The following MLLT3 variants were observed in gnomAD, a reference collection of about 807,000 sequenced individuals.
The protein encoded by MLLT3 is MLLT3 super elongation complex subunit.
A neutral mutation model predicts 53.2 loss-of-function variants in MLLT3; 4 were observed. That is an observed-to-expected ratio of 0.08 (90% CI 0.04 to 0.17). The LOEUF (loss-of-function observed/expected upper bound fraction) is 0.17. Ranked by LOEUF, MLLT3 falls within the 10% of genes least tolerant of loss-of-function variation. The pLI is 1.00. For missense variants in MLLT3, 569 were observed against 684.0 expected, an observed-to-expected ratio of 0.83 and a Z score of 1.87; for synonymous variants, 283 against 230.6, an observed-to-expected ratio of 1.23 and a Z score of -2.06.
intron 5 of MLLT3, among the ~76,000 whole-genome samples, chr9:20,412,917 C>A (rs1256554493): frequency 6.6e-6 from 1 of 152,146 alleles, no homozygotes; most frequent in Non-Finnish European, 1.5e-5. Flanking sequence ...ATCTGAAAAT[C>A]CCTTCCACTG....
chr9:20,438,610 A>G (rs1823465495), intron 4 of MLLT3, among the ~76,000 whole-genome samples: 1 of 151,906 alleles, frequency 6.6e-6, no homozygotes, highest in African/African-American at 2.4e-5. Flanking sequence ...ACTTTATTTT[A>G]TTTTTTGTAG....
chr9:20,524,991 A>T (rs1054471255), intron 2 of MLLT3, among the ~76,000 whole-genome samples: 7 of 152,072 alleles, frequency 4.6e-5, no homozygotes, highest in African/African-American at 1.7e-4. Context: ...TCAGGAAGGC[A>T]CCTAGTAGCT....
intron 2 of MLLT3, among the ~76,000 whole-genome samples, chr9:20,572,493 A>T (rs1320391720): frequency 6.6e-6 from 1 of 152,164 alleles, no homozygotes; most frequent in African/African-American, 2.4e-5. Flanking sequence ...ATTTATTTAT[A>T]TATTAATACA....
At chr9:20,401,558 C>G (rs542940597) in intron 5 of MLLT3, among the ~76,000 whole-genome samples, 174 of 152,280 alleles carry the variant, frequency 1.1e-3, no homozygotes, top group African/African-American at 3.7e-3. Flanking sequence ...TCCATACTTT[C>G]CATATGCTTC....
At position 20,343,674 on chromosome 9, in the gene MLLT3, G is replaced by A. The variant is rs1248292786; in HGVS notation, c.*2769C>T. 2 of 224,650 alleles carry A rather than the reference G, an allele frequency of 8.9e-6. No homozygotes were observed. Among genetic ancestry groups the A allele is most frequent in the Non-Finnish European group, 1.8e-5 (2 of 112,746 alleles). 13.9% of individuals were successfully genotyped at this position (224,650 alleles called of 1,614,324 possible). A position where few individuals can be genotyped will look rare whatever the true frequency, so the allele number is the denominator to read the frequency against. On this transcript the variant is annotated 3_prime_UTR_variant, in exon 11 of 11. Coordinates refer to ENST00000380338, the MANE Select transcript of MLLT3 (RefSeq NM_004529.4). Reference sequence around the variant, plus strand: ...TTAAAAGTTTATCATACTCTGGCTGGTTCAAACCATATTCACATTTACCCA... The same window carrying A: ...TTAAAAGTTTATCATACTCTGGCTGATTCAAACCATATTCACATTTACCCA...
Position 20,620,792 on chromosome 9 carries a change from C to T in MLLT3, c.55G>A (p.Val19Met). ...VKLELGHRAQ[V>M]RKKPTVEGFT... ...CCCTCCACGGTGGGTTTTTTCCTCA[C>T]CTGGGCGCGGTGCCCCAGCTCCAGC... Residue 19 changes from valine to methionine, a missense_variant, in exon 2 of 11, where the codon GTG becomes ATG. By Grantham distance (21) the Val-to-Met change is conservative. Coordinates refer to ENST00000380338, the MANE Select transcript of MLLT3 (RefSeq NM_004529.4). The surrounding 1 kb of genome is among the most constrained non-coding windows in gnomAD (Gnocchi z 6.1). 1 of 1,614,128 alleles carries T rather than the reference C, an allele frequency of 6.2e-7. No individual in the cohort carries two copies. The highest frequency in any genetic ancestry group is 1.3e-5 in the African/African-American group (1 of 75,030).
chr9:20,597,701 GT>G (rs1304379013), intron 2 of MLLT3, among the ~76,000 whole-genome samples: 1 of 152,080 alleles, frequency 6.6e-6, no homozygotes, highest in East Asian at 1.9e-4. Flanking sequence ...TACTAGCTTT[GT>G]TTTTTCTTTC....
chr9:20,507,742 G>GAAAA lies in MLLT3; in HGVS notation c.194-50960_194-50957dup, dbSNP rs72452530. Among the ~76,000 whole-genome samples the GAAAA allele has an allele frequency of 2.3e-3, 197 of 84,540 alleles. 7 individuals carry two copies. Among genetic ancestry groups the GAAAA allele is most frequent in the African/African-American group, 6.5e-3 (164 of 25,342 alleles). The allele number at this position is 84,540 out of a possible 152,430, so 55.5% of individuals were successfully genotyped here. On this transcript the variant is annotated intron_variant, in intron 2 of 10. Transcript: ENST00000380338. The stretch of plus-strand genomic sequence containing the variant: ...TGTCATGTAGTCTATTCCCAAAATG[G>GAAAA]AAAAAAAAAAAAAAAAACAAATCTC...
At chr9:20,408,749 C>T (rs759250261) in intron 5 of MLLT3, among the ~76,000 whole-genome samples, 11 of 152,194 alleles carry the variant, frequency 7.2e-5, no homozygotes, top group Non-Finnish European at 1.5e-4. Context: ...AACCTTCCAT[C>T]ACATAAAAAC....
chr9:20,407,904 T>C (rs1358393003), intron 5 of MLLT3, among the ~76,000 whole-genome samples: 1 of 152,196 alleles, frequency 6.6e-6, no homozygotes, highest in Non-Finnish European at 1.5e-5. Flanking sequence ...GGTATGGTAA[T>C]GCTAGTCTTG....
chr9:20,513,018 T>G (rs1298212432), intron 2 of MLLT3, among the ~76,000 whole-genome samples: 1 of 152,278 alleles, frequency 6.6e-6, no homozygotes, highest in Non-Finnish European at 1.5e-5. Context: ...TGAGGCTCTG[T>G]TATATTTCTC....
intron 2 of MLLT3, among the ~76,000 whole-genome samples, chr9:20,619,609 A>G (rs1820936890): frequency 6.6e-6 from 1 of 152,246 alleles, no homozygotes; most frequent in South Asian, 2.1e-4. Flanking sequence ...ACTTAGATAA[A>G]TAAACCTGCT....
intron 5 of MLLT3, among the ~76,000 whole-genome samples, chr9:20,408,613 G>C (rs1188532403): frequency 6.6e-6 from 1 of 152,138 alleles, no homozygotes; most frequent in African/African-American, 2.4e-5. Context: ...GCCCTTTAAT[G>C]AATGGCCTCT....
At position 20,465,691 on chromosome 9, in the gene MLLT3, C is replaced by G. The variant is rs76995227; in HGVS notation, c.194-8905G>C. ...TTTCCAGGACAGGATCCAAAATTGTCCTAACTTCAGAGGAAGGATTAAGAA... is the reference window on the plus strand; with the variant it reads ...TTTCCAGGACAGGATCCAAAATTGTGCTAACTTCAGAGGAAGGATTAAGAA... On this transcript the variant is annotated intron_variant, in intron 2 of 10. Transcript: ENST00000380338. Among the ~76,000 whole-genome samples, 260 of 152,204 alleles carry G rather than the reference C, an allele frequency of 1.7e-3. 3 individuals are homozygous for G. Among genetic ancestry groups the G allele is most frequent in the East Asian group, 0.014 (74 of 5,186 alleles).
At chr9:20,600,694 C>A (rs941414339) in intron 2 of MLLT3, among the ~76,000 whole-genome samples, 6 of 152,168 alleles carry the variant, frequency 3.9e-5, no homozygotes, top group African/African-American at 1.4e-4. Flanking sequence ...TTAAACCTTA[C>A]TCTTCTTTCA....
chr9:20,594,395 C>T (rs1820200815), intron 2 of MLLT3, among the ~76,000 whole-genome samples: 1 of 152,110 alleles, frequency 6.6e-6, no homozygotes, highest in South Asian at 2.1e-4. Context: ...AATATTATCA[C>T]CTCTATTCAG....
At chr9:20,476,173 CTAGATAAAATGCCATGTGATAAA>C (rs1345821775) in intron 2 of MLLT3, among the ~76,000 whole-genome samples, 2 of 151,830 alleles carry the variant, frequency 1.3e-5, no homozygotes, top group Non-Finnish European at 2.9e-5. Flanking sequence ...GAAGATATTT[CTAGATAAAATGCCATGTGATAAA>C]TATGGTTAAT....
rs144103620 is a variant in MLLT3 at position 20,347,645 on chromosome 9, G to C, written c.1576-1071C>G. Among the ~76,000 whole-genome samples the C allele has an allele frequency of 2.6e-3, 399 of 152,198 alleles. 4 individuals are homozygous for C. In the East Asian group the frequency reaches 0.035, roughly 14 times the overall value. On this transcript the variant is annotated intron_variant, in intron 10 of 10. Transcript: ENST00000380338. The stretch of plus-strand genomic sequence containing the variant: ...TTTATTGGACATGGATGCTGTATCT[G>C]GGCAGTGTATTGGGCACAGCGTTTT...
chr9:20,608,446 G>A (rs1421829989), intron 2 of MLLT3, among the ~76,000 whole-genome samples: 4 of 151,634 alleles, frequency 2.6e-5, no homozygotes, highest in African/African-American at 7.3e-5. Context: ...ATTACACATG[G>A]GTATCTTTCT....
Sources: gnomAD v4.1 joint callset for allele counts (sites outside exome capture counted in the v4.1 genomes callset) on GRCh38, gnomAD v4.1.1 for gene constraint, Gnocchi (gnomAD v3.1) non-coding constraint, MANE v1.5 for transcripts, NCBI Gene and HGNC (gene_info 2026-07-23, HGNC 2026-07-21) for gene names.